CLSTN2: variants seen among roughly 807,000 people sequenced by gnomAD.
CLSTN2 encodes calsyntenin 2.
CLSTN2 carries 48 observed loss-of-function variants against 101.2 expected under a neutral mutation model. The ratio of observed to expected loss-of-function variants is 0.47; its 90% CI spans 0.38 to 0.60. The LOEUF is 0.60. CLSTN2 is among the 20% of genes least tolerant of loss of function. CLSTN2 has a pLI of 0.00. For missense variants in CLSTN2, 1,160 were observed against 1,238.2 expected (o/e 0.94, Z 0.95); for synonymous variants, 481 against 463.6 (o/e 1.04, Z -0.48).
intron 2 of CLSTN2, among the ~76,000 whole-genome samples, chr3:140,344,776 C>A (rs994844120): frequency 3.9e-5 from 6 of 152,210 alleles, no homozygotes; most frequent in African/African-American, 1.4e-4. Flanking sequence ...TTATCTCCCC[C>A]ACCACTCCAT....
chr3:140,482,846 G>T (rs1046249270), intron 8 of CLSTN2, among the ~76,000 whole-genome samples: 3 of 151,638 alleles, frequency 2.0e-5, no homozygotes, highest in Admixed American at 1.3e-4. Flanking sequence ...CTTCCTCATT[G>T]GTCTTGCTAG....
At chr3:140,358,393 C>G (rs2087695841) in intron 2 of CLSTN2, among the ~76,000 whole-genome samples, 1 of 152,040 alleles carries the variant, frequency 6.6e-6, no homozygotes, top group African/African-American at 2.4e-5. Flanking sequence ...AATTTTTAAT[C>G]TATAAAATTT....
chr3:140,546,290 A>C (rs1045776350), intron 9 of CLSTN2, among the ~76,000 whole-genome samples: 1 of 152,224 alleles, frequency 6.6e-6, no homozygotes, highest in African/African-American at 2.4e-5. Flanking sequence ...TAAAATTCAG[A>C]AATGCCAGGA....
chr3:140,149,560 A>T (rs2009831129), intron 1 of CLSTN2, among the ~76,000 whole-genome samples: 1 of 152,002 alleles, frequency 6.6e-6, no homozygotes, highest in Non-Finnish European at 1.5e-5. Flanking sequence ...GGTTCAAGCG[A>T]TTCTCCTGCC....
intron 1 of CLSTN2, among the ~76,000 whole-genome samples, chr3:140,016,793 G>GAAAA (rs56040791): frequency 1.9e-4 from 17 of 89,226 alleles, no homozygotes; most frequent in East Asian, 3.5e-4. Context: ...GTGAGACTCT[G>GAAAA]AAAAAAAAAA....
chr3:140,340,405 A>G (rs1198028841), intron 2 of CLSTN2, among the ~76,000 whole-genome samples: 3 of 152,270 alleles, frequency 2.0e-5, no homozygotes, highest in Non-Finnish European at 2.9e-5. Flanking sequence ...GTTAAAAAAT[A>G]CAAATAATCT....
At chr3:140,062,183 T>C (rs12497205) in intron 1 of CLSTN2, among the ~76,000 whole-genome samples, 13,842 of 152,136 alleles carry the variant, frequency 0.091, 760 homozygotes, top group East Asian at 0.16. Flanking sequence ...GTTTGCAAAC[T>C]ACTGGTCATG....
intron 2 of CLSTN2, among the ~76,000 whole-genome samples, chr3:140,291,326 T>C (rs1413073658): frequency 6.6e-6 from 1 of 152,042 alleles, no homozygotes; most frequent in Non-Finnish European, 1.5e-5. Context: ...TCCTAATATG[T>C]ATCTGAAACT....
intron 2 of CLSTN2, among the ~76,000 whole-genome samples, chr3:140,192,862 G>A (rs978749690): frequency 6.6e-6 from 1 of 151,722 alleles, no homozygotes; most frequent in Non-Finnish European, 1.5e-5. Flanking sequence ...GGTAGGGGGA[G>A]GTTCTGTTTT....
intron 1 of CLSTN2, among the ~76,000 whole-genome samples, chr3:140,011,897 G>T (rs567988631): frequency 6.2e-4 from 94 of 152,044 alleles, no homozygotes; most frequent in Non-Finnish European, 1.1e-3. Context: ...GATCTGGGGT[G>T]CCGAATGGTC....
chr3:140,041,945 T>C (rs1358986116), intron 1 of CLSTN2, among the ~76,000 whole-genome samples: 1 of 152,216 alleles, frequency 6.6e-6, no homozygotes, highest in East Asian at 1.9e-4. Flanking sequence ...TCCATCTACA[T>C]GCCAGCCCTA....
chr3:140,354,633 A>G (rs1422256900), intron 2 of CLSTN2, among the ~76,000 whole-genome samples: 12 of 152,214 alleles, frequency 7.9e-5, no homozygotes, highest in Non-Finnish European at 1.0e-4. Flanking sequence ...CCTAGCCTAC[A>G]TTGTAGCCAC....
At chr3:140,445,869 A>G (rs1193575845) in intron 5 of CLSTN2, among the ~76,000 whole-genome samples, 2 of 152,198 alleles carry the variant, frequency 1.3e-5, no homozygotes, top group African/African-American at 2.4e-5. Flanking sequence ...ACTGACTAGC[A>G]CGATGAGGCC....
chr3:140,426,037 T>A lies in CLSTN2; in HGVS notation c.787+4763T>A, dbSNP rs527646686. Among the ~76,000 whole-genome samples, 19 of 152,334 alleles carry A rather than the reference T, an allele frequency of 1.2e-4. No individual in the cohort carries two copies. The South Asian group carries it at 3.9e-3, about 32-fold the overall frequency. On this transcript the variant is annotated intron_variant, in intron 5 of 16. Transcript: ENST00000458420. Reference sequence around the variant, plus strand: ...ATTATATTAGGAACTAGGAAAGTGATGCACCTGCAGCAGGTCGCATGCTAA... The same window carrying A: ...ATTATATTAGGAACTAGGAAAGTGAAGCACCTGCAGCAGGTCGCATGCTAA...
At chr3:140,171,813 T>A (rs1336742898) in intron 1 of CLSTN2, among the ~76,000 whole-genome samples, 25 of 94,204 alleles carry the variant, frequency 2.7e-4, no homozygotes, top group East Asian at 1.1e-3. Flanking sequence ...GTATTATATA[T>A]TATATATTAT....
chr3:140,074,921 T>TA (rs1576417973), intron 1 of CLSTN2, among the ~76,000 whole-genome samples: 1 of 152,176 alleles, frequency 6.6e-6, no homozygotes, highest in Admixed American at 6.5e-5. Flanking sequence ...CCAGAGTACT[T>TA]ACTTTCTCCA....
At chr3:140,344,434 A>G (rs1333773081) in intron 2 of CLSTN2, among the ~76,000 whole-genome samples, 1 of 152,206 alleles carries the variant, frequency 6.6e-6, no homozygotes, top group African/African-American at 2.4e-5. Context: ...TGCCAGAGAC[A>G]ACCCCAGGAG....
chr3:140,204,060 C>G (rs1034557958), intron 2 of CLSTN2, among the ~76,000 whole-genome samples: 1 of 152,168 alleles, frequency 6.6e-6, no homozygotes, highest in South Asian at 2.1e-4. Flanking sequence ...TTTTGGGATA[C>G]AGTGTGGCAT....
chr3:140,156,186 G>A (rs1219999641), intron 1 of CLSTN2, among the ~76,000 whole-genome samples: 1 of 152,194 alleles, frequency 6.6e-6, no homozygotes, highest in Non-Finnish European at 1.5e-5. Context: ...CACAAACGTT[G>A]TGTTGAGAAA....
Sources: allele counts gnomAD v4.1 joint callset (sites outside exome capture counted in the v4.1 genomes callset), GRCh38; gene constraint gnomAD v4.1.1; transcripts MANE v1.5; gene names NCBI Gene and HGNC (gene_info 2026-07-23, HGNC 2026-07-21).